KLF8: variants seen among roughly 807,000 people sequenced by gnomAD.
KLF8 encodes the protein Krueppel-like factor 8.
In KLF8, 10 loss-of-function variants were observed where a neutral mutation model predicts 18.2. The ratio of observed to expected loss-of-function variants is 0.55; its 90% CI spans 0.34 to 0.93. The LOEUF is 0.93. Among genes scored for constraint, KLF8 ranks in the 40% least tolerant of loss-of-function variants. KLF8 has a pLI of 0.02. For synonymous variants in KLF8, 109 were observed against 97.3 expected, an observed-to-expected ratio of 1.12 and a Z score of -0.71; for missense variants, 264 against 277.9, an observed-to-expected ratio of 0.95 and a Z score of 0.36.
the KLF8 span, among the ~76,000 whole-genome samples, chrX:56,085,932 G>T: frequency 4.3e-3 from 476 of 111,908 alleles, 5 homozygotes; most frequent in African/African-American, 0.015. Flanking sequence ...ATGAGTTCTG[G>T]TCGAAGTCAG....
chrX:55,941,261 TA>T, the KLF8 span, among the ~76,000 whole-genome samples: 1 of 111,925 alleles, frequency 8.9e-6, no homozygotes, highest in East Asian at 2.8e-4. Context: ...CAAAAACAAG[TA>T]ATGGGGAAAG....
At chrX:56,212,141 A>G in the KLF8 span, among the ~76,000 whole-genome samples, 4 of 111,226 alleles carry the variant, frequency 3.6e-5, no homozygotes, top group African/African-American at 1.3e-4. Context: ...GGGGTGTCAC[A>G]ACTCTGACCA....
chrX:55,936,071 A>C, the KLF8 span, among the ~76,000 whole-genome samples: 1 of 112,521 alleles, frequency 8.9e-6, no homozygotes, highest in Non-Finnish European at 1.9e-5. Flanking sequence ...TTCTTTTTCA[A>C]ATAATCTACC....
chrX:56,102,151 T>C, the KLF8 span, among the ~76,000 whole-genome samples: 1 of 111,898 alleles, frequency 8.9e-6, no homozygotes, highest in Non-Finnish European at 1.9e-5. Context: ...ATGTGTTTAT[T>C]TTTAATCTTC....
At chrX:55,947,735 T>G in the KLF8 span, among the ~76,000 whole-genome samples, 4 of 111,956 alleles carry the variant, frequency 3.6e-5, no homozygotes, top group African/African-American at 1.3e-4. Context: ...TAACCCCTCA[T>G]GACTTTCTGT....
chrX:56,008,596 A>G, the KLF8 span, among the ~76,000 whole-genome samples: 3 of 112,049 alleles, frequency 2.7e-5, no homozygotes, highest in African/African-American at 9.7e-5. Flanking sequence ...TGTACAGATT[A>G]TCAGTGGCCA....
At chrX:55,975,497 C>T in the KLF8 span, among the ~76,000 whole-genome samples, 1 of 111,512 alleles carries the variant, frequency 9.0e-6, no homozygotes, top group Non-Finnish European at 1.9e-5. Context: ...ATCCTCATTC[C>T]ACATATTGGG....
At chrX:56,274,977 G>A (rs866653207) in intron 5 of KLF8, among the ~76,000 whole-genome samples, 25 of 111,534 alleles carry the variant, frequency 2.2e-4, no homozygotes, top group Admixed American at 4.8e-4. Context: ...GATAGCTTTG[G>A]TTATTCTGGG....
the KLF8 span, among the ~76,000 whole-genome samples, chrX:55,957,159 A>G: frequency 9.0e-6 from 1 of 111,535 alleles, no homozygotes; most frequent in East Asian, 2.8e-4. Flanking sequence ...TCCTTTCCTC[A>G]TTGAGTGGTC....
chrX:55,923,211 C>T, the KLF8 span, among the ~76,000 whole-genome samples: 1 of 105,581 alleles, frequency 9.5e-6, no homozygotes, highest in South Asian at 4.3e-4. Flanking sequence ...TTATCCTCAG[C>T]GAGTTAACAC....
chrX:55,908,255 C>G, the KLF8 span: 1 of 257,141 alleles, frequency 3.9e-6, no homozygotes, highest in South Asian at 2.5e-4. Context: ...CCGCCACTAG[C>G]AAACAACCTC....
the KLF8 span, among the ~76,000 whole-genome samples, chrX:56,073,198 A>T: frequency 9.0e-6 from 1 of 111,068 alleles, no homozygotes; most frequent in Non-Finnish European, 1.9e-5. Flanking sequence ...CGTGTTAGCC[A>T]GGATGGTCTT....
At chrX:56,141,931 T>C in the KLF8 span, among the ~76,000 whole-genome samples, 1 of 112,150 alleles carries the variant, frequency 8.9e-6, no homozygotes, top group Non-Finnish European at 1.9e-5. Context: ...ATGAATGCTA[T>C]GTTTTCAGCG....
chrX:56,093,027 A>C, the KLF8 span, among the ~76,000 whole-genome samples: 81 of 109,089 alleles, frequency 7.4e-4, no homozygotes, highest in African/African-American at 2.4e-3. Context: ...AAAAAAAAAA[A>C]CAGAACAGAA....
the KLF8 span, among the ~76,000 whole-genome samples, chrX:56,083,227 C>T: frequency 4.8e-4 from 53 of 111,521 alleles, no homozygotes; most frequent in Non-Finnish European, 5.6e-5. Flanking sequence ...GTAAAAGTTA[C>T]GTATTATATG....
chrX:56,078,298 T>C, the KLF8 span, among the ~76,000 whole-genome samples: 9 of 112,040 alleles, frequency 8.0e-5, no homozygotes, highest in Non-Finnish European at 1.7e-4. Flanking sequence ...TAGCTCTTAT[T>C]ATTTTGAGAT....
chrX:56,070,643 C>T, the KLF8 span, among the ~76,000 whole-genome samples: 1 of 110,863 alleles, frequency 9.0e-6, no homozygotes, highest in African/African-American at 3.3e-5. Flanking sequence ...AGGGGAATAA[C>T]ACACACCATG....
At chrX:55,988,380 A>G in the KLF8 span, among the ~76,000 whole-genome samples, 1 of 111,849 alleles carries the variant, frequency 8.9e-6, no homozygotes, top group African/African-American at 3.3e-5. Flanking sequence ...ATTTTTGTAT[A>G]AGGTGTAAGG....
chrX:56,009,244 G>A, the KLF8 span, among the ~76,000 whole-genome samples: 357 of 111,137 alleles, frequency 3.2e-3, 3 homozygotes, highest in African/African-American at 0.011. Context: ...GAAGGAGCAG[G>A]CAGCCATCTT....
Sources: gnomAD v4.1 joint callset for allele counts (sites outside exome capture counted in the v4.1 genomes callset) on GRCh38, gnomAD v4.1.1 for gene constraint, MANE v1.5 for transcripts, NCBI Gene and HGNC (gene_info 2026-07-23, HGNC 2026-07-21) for gene names.